SCHIP1: variants seen among roughly 807,000 people sequenced by gnomAD.
SCHIP1 encodes the protein schwannomin interacting protein 1.
In SCHIP1, 8 loss-of-function variants were observed where a neutral mutation model predicts 29.7. The ratio of observed to expected loss-of-function variants is 0.27; its 90% CI spans 0.16 to 0.49. The LOEUF is 0.49. Among genes scored for constraint, SCHIP1 ranks in the 20% least tolerant of loss-of-function variants. SCHIP1 has a pLI of 0.99. For synonymous variants in SCHIP1, 76 were observed against 94.9 expected (o/e 0.80, Z 1.16); for missense variants, 193 against 294.6 (o/e 0.66, Z 2.52).
At chr3:159,687,112 G>A in the SCHIP1 span, among the ~76,000 whole-genome samples, 1 of 151,882 alleles carries the variant, frequency 6.6e-6, no homozygotes, top group Non-Finnish European at 1.5e-5. Context: ...ATTTTCACTG[G>A]CTGGGCTACC....
chr3:159,862,518 G>C (rs928941877), intron 1 of SCHIP1, among the ~76,000 whole-genome samples: 3 of 152,192 alleles, frequency 2.0e-5, no homozygotes, highest in African/African-American at 7.2e-5. Context: ...CACCTAGTGA[G>C]ATCCTTTACC....
At chr3:159,295,781 T>C in the SCHIP1 span, among the ~76,000 whole-genome samples, 4 of 152,236 alleles carry the variant, frequency 2.6e-5, no homozygotes, top group African/African-American at 9.6e-5. Context: ...ACTGTAAACT[T>C]GAAGACAGAC....
the SCHIP1 span, among the ~76,000 whole-genome samples, chr3:159,647,258 G>A: frequency 6.6e-6 from 1 of 152,048 alleles, no homozygotes; most frequent in African/African-American, 2.4e-5. Flanking sequence ...TAAGGAAGTC[G>A]TAGGCAATGA....
the SCHIP1 span, among the ~76,000 whole-genome samples, chr3:159,820,986 G>A: frequency 5.9e-5 from 9 of 152,310 alleles, no homozygotes; most frequent in African/African-American, 2.2e-4. Context: ...CATGGCTAGT[G>A]CAACTGGGAA....
the SCHIP1 span, among the ~76,000 whole-genome samples, chr3:159,498,354 A>C: frequency 2.0e-5 from 3 of 152,248 alleles, no homozygotes; most frequent in African/African-American, 4.8e-5. Flanking sequence ...AAAGAAGAAC[A>C]ACCAGTAATT....
chr3:159,450,351 A>G, the SCHIP1 span, among the ~76,000 whole-genome samples: 1 of 152,246 alleles, frequency 6.6e-6, no homozygotes, highest in African/African-American at 2.4e-5. Flanking sequence ...CCCTAACTCC[A>G]GAATGCCTTT....
chr3:159,686,456 C>T, the SCHIP1 span, among the ~76,000 whole-genome samples: 1 of 152,052 alleles, frequency 6.6e-6, no homozygotes. Context: ...TCAAAGATAG[C>T]CAAGCACACA....
chr3:159,371,689 T>C, the SCHIP1 span, among the ~76,000 whole-genome samples: 2 of 152,310 alleles, frequency 1.3e-5, no homozygotes, highest in South Asian at 4.1e-4. Context: ...GACTCTGATA[T>C]AAAATGGGTA....
At chr3:159,343,846 C>T in the SCHIP1 span, among the ~76,000 whole-genome samples, 1 of 152,062 alleles carries the variant, frequency 6.6e-6, no homozygotes, top group Non-Finnish European at 1.5e-5. Context: ...CAGATCTATA[C>T]AGAATATAAA....
chr3:159,812,857 T>A, the SCHIP1 span, among the ~76,000 whole-genome samples: 1 of 152,206 alleles, frequency 6.6e-6, no homozygotes, highest in Non-Finnish European at 1.5e-5. Context: ...TTCCAGAGGC[T>A]GGGAAGTCCA....
At chr3:159,329,856 C>T in the SCHIP1 span, among the ~76,000 whole-genome samples, 2 of 151,288 alleles carry the variant, frequency 1.3e-5, no homozygotes, top group Non-Finnish European at 2.9e-5. Flanking sequence ...GTGAAAGGCA[C>T]AGCACCGTTA....
the SCHIP1 span, among the ~76,000 whole-genome samples, chr3:159,830,178 T>C: frequency 6.6e-6 from 1 of 152,226 alleles, no homozygotes; most frequent in Non-Finnish European, 1.5e-5. Context: ...CATTTAGTTC[T>C]ATGTAAAGCT....
the SCHIP1 span, among the ~76,000 whole-genome samples, chr3:159,471,123 AAAC>A: frequency 1.3e-5 from 2 of 152,114 alleles, no homozygotes; most frequent in African/African-American, 4.8e-5. Flanking sequence ...ATGAACAATA[AAAC>A]AACACACACA....
the SCHIP1 span, among the ~76,000 whole-genome samples, chr3:159,630,590 C>G: frequency 6.6e-6 from 1 of 150,564 alleles, no homozygotes; most frequent in South Asian, 2.1e-4. Context: ...GAATGGAAAA[C>G]CAAACATCAT....
the SCHIP1 span, among the ~76,000 whole-genome samples, chr3:159,335,547 T>C: frequency 6.6e-6 from 1 of 152,158 alleles, no homozygotes; most frequent in Admixed American, 6.5e-5. Context: ...CCTGTGTCCA[T>C]GTGTTCTCAT....
the SCHIP1 span, chr3:159,722,371 C>T: frequency 6.5e-6 from 1 of 153,454 alleles, no homozygotes; most frequent in Non-Finnish European, 1.5e-5. Flanking sequence ...TGGCCTGGCA[C>T]CAATAGAAAG....
chr3:159,432,501 G>A, the SCHIP1 span, among the ~76,000 whole-genome samples: 2 of 152,098 alleles, frequency 1.3e-5, no homozygotes, highest in African/African-American at 4.8e-5. Flanking sequence ...ACACACTCAA[G>A]TGAAAGGGAA....
the SCHIP1 span, among the ~76,000 whole-genome samples, chr3:159,335,936 T>A: frequency 6.6e-6 from 1 of 152,216 alleles, no homozygotes; most frequent in Non-Finnish European, 1.5e-5. Context: ...TCCACAATGG[T>A]TGAACTAGTT....
the SCHIP1 span, among the ~76,000 whole-genome samples, chr3:159,511,272 G>A: frequency 6.6e-6 from 1 of 152,226 alleles, no homozygotes; most frequent in South Asian, 2.1e-4. Flanking sequence ...TCAGTCAAGT[G>A]CAGGATATAG....
Sources: gnomAD v4.1 joint callset for allele counts (sites outside exome capture counted in the v4.1 genomes callset) on GRCh38, gnomAD v4.1.1 for gene constraint, MANE v1.5 for transcripts, NCBI Gene and HGNC (gene_info 2026-07-23, HGNC 2026-07-21) for gene names.